The following INPP4B variants were observed in gnomAD, a reference collection of about 807,000 sequenced individuals.
INPP4B encodes inositol polyphosphate-4-phosphatase type II B.
In INPP4B, 55 loss-of-function variants were observed where a neutral mutation model predicts 122.5. The observed-to-expected ratio is 0.45, with a 90% CI of 0.36 to 0.56. INPP4B has a LOEUF of 0.56. Ranked by LOEUF, INPP4B falls within the 20% of genes least tolerant of loss-of-function variation. The probability of loss-of-function intolerance (pLI) is 0.00; values close to 1 mark genes in which losing one functional copy is unlikely to be tolerated. For missense variants in INPP4B, 1,000 were observed against 1,097.7 expected, an observed-to-expected ratio of 0.91 and a Z score of 1.26; for synonymous variants, 403 against 388.7, an observed-to-expected ratio of 1.04 and a Z score of -0.43.
intron 1 of INPP4B, among the ~76,000 whole-genome samples, chr4:142,749,252 C>T (rs1261837666): frequency 4.1e-5 from 6 of 144,968 alleles, no homozygotes; most frequent in Non-Finnish European, 7.5e-5. Context: ...TAATGTCTTA[C>T]CATATATAAT....
chr4:142,193,435 A>T (rs1836844881), intron 14 of INPP4B, among the ~76,000 whole-genome samples: 1 of 152,180 alleles, frequency 6.6e-6, no homozygotes, highest in South Asian at 2.1e-4. Flanking sequence ...CATCTTAATT[A>T]CATGCTACAG....
intron 2 of INPP4B, among the ~76,000 whole-genome samples, chr4:142,540,328 T>G (rs567645971): frequency 2.0e-5 from 3 of 150,490 alleles, no homozygotes; most frequent in African/African-American, 7.4e-5. Context: ...GGAAGTTTTT[T>G]GGGGTTTTTT....
intron 23 of INPP4B, among the ~76,000 whole-genome samples, chr4:142,105,806 C>T (rs1786776127): frequency 6.6e-6 from 1 of 152,026 alleles, no homozygotes; most frequent in African/African-American, 2.4e-5. Flanking sequence ...CAAATTATCC[C>T]TTGATTTCAC....
chr4:142,189,409 G>T (rs534345650), intron 15 of INPP4B, among the ~76,000 whole-genome samples: 2 of 152,146 alleles, frequency 1.3e-5, no homozygotes, highest in South Asian at 4.2e-4. Flanking sequence ...TATATACAAG[G>T]TGCTCCATCT....
At chr4:142,617,035 C>G (rs1321693912) in intron 2 of INPP4B, among the ~76,000 whole-genome samples, 1 of 152,098 alleles carries the variant, frequency 6.6e-6, no homozygotes, top group Non-Finnish European at 1.5e-5. Flanking sequence ...CCGAACTTCA[C>G]AGCTACACAA....
chr4:142,225,656 C>T (rs1415046337), intron 12 of INPP4B, among the ~76,000 whole-genome samples: 1 of 151,582 alleles, frequency 6.6e-6, no homozygotes, highest in Non-Finnish European at 1.5e-5. Context: ...AAGATCCTCC[C>T]ACCTCACTTC....
intron 25 of INPP4B, among the ~76,000 whole-genome samples, chr4:142,040,436 C>A (rs762637033): frequency 6.6e-6 from 1 of 152,152 alleles, no homozygotes; most frequent in South Asian, 2.1e-4. Context: ...AAGCTCAGTG[C>A]AAGGGAAGAC....
At chr4:142,592,661 G>A (rs1737761253) in intron 2 of INPP4B, among the ~76,000 whole-genome samples, 1 of 152,120 alleles carries the variant, frequency 6.6e-6, no homozygotes, top group African/African-American at 2.4e-5. Flanking sequence ...TGAGAGATTT[G>A]AACTTAGGCA....
At chr4:142,769,451 A>G (rs533275508) in intron 1 of INPP4B, among the ~76,000 whole-genome samples, 4 of 152,320 alleles carry the variant, frequency 2.6e-5, no homozygotes, top group African/African-American at 9.6e-5. Context: ...AGCTACATGC[A>G]ACCATTTTTT....
chr4:142,828,780 A>T (rs994728062), intron 1 of INPP4B, among the ~76,000 whole-genome samples: 1 of 152,200 alleles, frequency 6.6e-6, no homozygotes, highest in Non-Finnish European at 1.5e-5. Context: ...GAAGTGCCCA[A>T]ATAAATAAGA....
intron 5 of INPP4B, among the ~76,000 whole-genome samples, chr4:142,425,051 A>T (rs1339026447): frequency 6.6e-6 from 1 of 152,106 alleles, no homozygotes; most frequent in Non-Finnish European, 1.5e-5. Context: ...ATGGTGAAGG[A>T]GTCAGCACAT....
At chr4:142,568,395 G>T (rs991533703) in intron 2 of INPP4B, among the ~76,000 whole-genome samples, 31 of 152,150 alleles carry the variant, frequency 2.0e-4, no homozygotes, top group African/African-American at 7.2e-4. Context: ...TGCTGGCATG[G>T]AACTCTTCTT....
chr4:142,603,824 C>CA (rs990254380), intron 2 of INPP4B, among the ~76,000 whole-genome samples: 1 of 151,572 alleles, frequency 6.6e-6, no homozygotes, highest in Non-Finnish European at 1.5e-5. Context: ...CAAACTATTC[C>CA]AAAAAAATTG....
rs1360603372 is a variant in INPP4B at position 142,027,888 on chromosome 4, TAACTG to T, written c.*889_*893del. ...TATTAACACACACAAACCTATGCCA[TAACTG>T]CATGCTTACACCAGGATGACTGCTA... On this transcript the variant is annotated 3_prime_UTR_variant, in exon 26 of 26. Coordinates refer to ENST00000262992, the MANE Select transcript of INPP4B (RefSeq NM_001101669.3). 5.5e-6 allele frequency: 1 copy of T among 180,708 alleles called. No homozygotes were observed. The highest frequency in any genetic ancestry group is 2.4e-5 in the African/African-American group (1 of 42,442). The allele number at this position is 180,708 out of a possible 1,614,324, so 11.2% of individuals were successfully genotyped here. A position where few individuals can be genotyped will look rare whatever the true frequency, so the allele number is the denominator to read the frequency against.
At chr4:142,709,424 C>T (rs1762847082) in intron 2 of INPP4B, among the ~76,000 whole-genome samples, 1 of 152,110 alleles carries the variant, frequency 6.6e-6, no homozygotes, top group Admixed American at 6.6e-5. Context: ...TGTGTCCCTG[C>T]CCAAATCTCA....
chr4:142,386,644 G>A (rs183219906), intron 7 of INPP4B, among the ~76,000 whole-genome samples: 39 of 152,316 alleles, frequency 2.6e-4, no homozygotes, highest in East Asian at 7.7e-4. Flanking sequence ...TAATACAGCT[G>A]TTTCCGTACC....
chr4:142,465,878 C>G (rs1817665631), intron 2 of INPP4B, among the ~76,000 whole-genome samples: 1 of 152,206 alleles, frequency 6.6e-6, no homozygotes, highest in Non-Finnish European at 1.5e-5. Context: ...ATCTATGTGC[C>G]TGCTTCTCCT....
At chr4:142,358,279 G>A (rs1417079435) in intron 7 of INPP4B, among the ~76,000 whole-genome samples, 1 of 151,852 alleles carries the variant, frequency 6.6e-6, no homozygotes, top group Admixed American at 6.6e-5. Flanking sequence ...TATTCTAGAG[G>A]TATGCATTCC....
At chr4:142,121,497 C>G (rs1412265381) in intron 21 of INPP4B, among the ~76,000 whole-genome samples, 1 of 151,986 alleles carries the variant, frequency 6.6e-6, no homozygotes, top group Non-Finnish European at 1.5e-5. Context: ...TAGTTTGGAC[C>G]TCTGATTGAG....
Sources: gnomAD v4.1 joint callset for allele counts (sites outside exome capture counted in the v4.1 genomes callset) on GRCh38, gnomAD v4.1.1 for gene constraint, MANE v1.5 for transcripts, NCBI Gene and HGNC (gene_info 2026-07-23, HGNC 2026-07-21) for gene names.